Variants in TAF4B observed in about 807,000 individuals in gnomAD.
TAF4B encodes the protein TATA-box binding protein associated factor 4b.
TAF4B carries 38 observed loss-of-function variants against 86.4 expected under a neutral mutation model. That is an observed-to-expected ratio of 0.44 (90% CI 0.34 to 0.58). The LOEUF (loss-of-function observed/expected upper bound fraction) is 0.58. TAF4B is among the 20% of genes least tolerant of loss of function. TAF4B has a pLI of 0.02. For missense variants in TAF4B, 988 were observed against 1,027.6 expected, an observed-to-expected ratio of 0.96 and a Z score of 0.53; for synonymous variants, 388 against 391.2, an observed-to-expected ratio of 0.99 and a Z score of 0.10.
At chr18:26,326,994 C>G (rs760148441) in intron 11 of TAF4B, 21 bp from the exon 12 acceptor site, 5 of 1,608,254 alleles carry the variant, frequency 3.1e-6, no homozygotes, top group Non-Finnish European at 4.2e-6. Context: ...ATAAGACTTT[C>G]TGTTTTCTTT....
rs139241312 is a variant in TAF4B at position 26,377,663 on chromosome 18, T to C, written c.2422-12182T>C. Among the ~76,000 whole-genome samples the C allele has an allele frequency of 1.4e-4, 22 of 152,280 alleles. No homozygotes were observed. In the East Asian group the frequency reaches 3.9e-3, roughly 27 times the overall value. On this transcript the variant is annotated intron_variant, in intron 14 of 14. Coordinates refer to ENST00000269142, the MANE Select transcript of TAF4B (RefSeq NM_005640.3). ...AGAACACCATGGGAATACCCAGGCG[T>C]TTTGTTGTTGTTTTATTGTTTTAAC...
At chr18:26,235,805 TTGGGTACAAC>T (rs1190546187) in intron 1 of TAF4B, among the ~76,000 whole-genome samples, 3 of 152,100 alleles carry the variant, frequency 2.0e-5, no homozygotes, top group Admixed American at 2.0e-4. Context: ...GGTATAGGGG[TTGGGTACAAC>T]TGGATATAGA....
At chr18:26,227,694 C>T (rs1568086886) in intron 1 of TAF4B, among the ~76,000 whole-genome samples, 1 of 152,182 alleles carries the variant, frequency 6.6e-6, no homozygotes, top group Non-Finnish European at 1.5e-5. Flanking sequence ...CGCTCTGTCG[C>T]CCAGTCTGGA....
intron 13 of TAF4B, among the ~76,000 whole-genome samples, chr18:26,356,849 A>G (rs1015872695): frequency 4.0e-5 from 6 of 150,576 alleles, no homozygotes; most frequent in Middle Eastern, 3.2e-3. Context: ...CCTCAATGAA[A>G]TAATGCAGTT....
intron 1 of TAF4B, among the ~76,000 whole-genome samples, chr18:26,248,850 T>G (rs2055961343): frequency 7.2e-6 from 1 of 139,270 alleles, no homozygotes; most frequent in African/African-American, 2.6e-5. Context: ...AAATGTCATC[T>G]TTATTGAGGT....
At chr18:26,258,146 C>T (rs776944554) in intron 1 of TAF4B, among the ~76,000 whole-genome samples, 30 of 151,662 alleles carry the variant, frequency 2.0e-4, no homozygotes, top group Non-Finnish European at 1.2e-4. Context: ...CCCAGCTACT[C>T]AGGAGGCTGA....
chr18:26,241,059 T>C (rs1209289157), intron 1 of TAF4B, among the ~76,000 whole-genome samples: 2 of 152,156 alleles, frequency 1.3e-5, no homozygotes, highest in Non-Finnish European at 2.9e-5. Flanking sequence ...TTTGGTTGTG[T>C]CTCTGCCAGG....
At chr18:26,339,191 A>G (rs551642218) in intron 13 of TAF4B, among the ~76,000 whole-genome samples, 3 of 152,138 alleles carry the variant, frequency 2.0e-5, no homozygotes, top group Non-Finnish European at 4.4e-5. Context: ...TCTCGCTATT[A>G]TAACTTTATA....
chr18:26,308,550 G>A (rs1209608181), intron 9 of TAF4B, among the ~76,000 whole-genome samples: 1 of 152,114 alleles, frequency 6.6e-6, no homozygotes, highest in Admixed American at 6.6e-5. Context: ...TAATGCTGTG[G>A]TGTGAAAAAT....
intron 3 of TAF4B, among the ~76,000 whole-genome samples, chr18:26,272,127 A>G (rs553514322): frequency 1.3e-5 from 2 of 151,840 alleles, no homozygotes; most frequent in Non-Finnish European, 2.9e-5. Flanking sequence ...CTGAGGCTCC[A>G]CCCCTCCTCC....
At chr18:26,327,298 G>C (rs1324374728) in intron 12 of TAF4B, among the ~76,000 whole-genome samples, 158 bp downstream of exon 12, 1 of 152,192 alleles carries the variant, frequency 6.6e-6, no homozygotes, top group African/African-American at 2.4e-5. Flanking sequence ...AGCCAGGATG[G>C]TGTGGTGGCT....
chr18:26,288,406 G>A (rs1467606685), intron 7 of TAF4B, among the ~76,000 whole-genome samples: 1 of 152,042 alleles, frequency 6.6e-6, no homozygotes, highest in African/African-American at 2.4e-5. Flanking sequence ...AGGCCGAGGC[G>A]GGCGGATCAC....
intron 13 of TAF4B, among the ~76,000 whole-genome samples, chr18:26,353,762 A>G (rs955848153): frequency 1.3e-5 from 2 of 152,246 alleles, no homozygotes; most frequent in Admixed American, 1.3e-4. Context: ...TGAAGCAGGA[A>G]AGACAAATAG....
At position 26,293,178 on chromosome 18, in the gene TAF4B, C is replaced by T. The variant is rs1295433755; in HGVS notation, c.1727-248C>T. ...TTAACATGTTTCAGGTGCCTTTTAC[C>T]CATGATATTTTTATAATACTGCTAA... On this transcript the variant is annotated intron_variant, in intron 8 of 14. Transcript: ENST00000269142. Among the ~76,000 whole-genome samples, 5 of 151,996 alleles carry T rather than the reference C, an allele frequency of 3.3e-5. No homozygotes were observed. In the East Asian group the frequency reaches 5.8e-4, roughly 18 times the overall value.
At chr18:26,283,984 G>A (rs1311203133) in intron 6 of TAF4B, among the ~76,000 whole-genome samples, 1 of 151,988 alleles carries the variant, frequency 6.6e-6, no homozygotes, top group Non-Finnish European at 1.5e-5. Context: ...AATCCAGGAG[G>A]CAGAGGTTGC....
chr18:26,381,784 T>C (rs2057481348), intron 14 of TAF4B, among the ~76,000 whole-genome samples: 1 of 151,676 alleles, frequency 6.6e-6, no homozygotes, highest in African/African-American at 2.4e-5. Context: ...AACCAAATAG[T>C]TAATTATACA....
chr18:26,286,422 C>A lies in TAF4B; in HGVS notation c.1513C>A (p.Gln505Lys). Reference sequence around the variant, plus strand: ...CAAGCCTGTTATTGGGACTCCAGTTCAAATCAAACTTGCCCAGCCGGGCCC... The same window carrying A: ...CAAGCCTGTTATTGGGACTCCAGTTAAAATCAAACTTGCCCAGCCGGGCCC... Reference protein sequence around the residue: ...SDKPVIGTPVQIKLAQPGPVL... With the variant: ...SDKPVIGTPVKIKLAQPGPVL... The change falls in exon 7 of 15, where the codon CAA becomes AAA. Residue 505 changes from glutamine to lysine, a missense_variant. Transcript: ENST00000269142. The A allele has an allele frequency of 6.2e-7, 1 of 1,614,182 alleles. No individual in the cohort carries two copies. The highest frequency in any genetic ancestry group is 8.5e-7 in the Non-Finnish European group (1 of 1,180,036).
At chr18:26,298,851 CTTTTTTTTTTTTTTTTT>C (rs56044910) in intron 9 of TAF4B, among the ~76,000 whole-genome samples, 1 of 46,542 alleles carries the variant, frequency 2.1e-5, no homozygotes, top group African/African-American at 9.1e-5. Flanking sequence ...AGCCTATTGC[CTTTTTTTTTTTTTTTTT>C]TTTTTTTTTT....
At chr18:26,231,720 C>T (rs976165446) in intron 1 of TAF4B, among the ~76,000 whole-genome samples, 1 of 152,072 alleles carries the variant, frequency 6.6e-6, no homozygotes, top group Non-Finnish European at 1.5e-5. Context: ...GTCTTGCTGA[C>T]TTCAAGAATG....
Sources: allele counts gnomAD v4.1 joint callset (sites outside exome capture counted in the v4.1 genomes callset), GRCh38; gene constraint gnomAD v4.1.1; transcripts MANE v1.5; gene names NCBI Gene and HGNC (gene_info 2026-07-23, HGNC 2026-07-21).